The following P2RY14 variants were observed in gnomAD, a reference collection of about 807,000 sequenced individuals.
P2RY14 encodes purinergic receptor P2Y14.
Under a neutral mutation model 0.9 loss-of-function variants are expected in P2RY14, and 2 were observed. The observed-to-expected ratio is 2.16, with a 90% CI of 0.88 to 6.79. The LOEUF (loss-of-function observed/expected upper bound fraction) is 6.79, where lower values mean the gene tolerates loss of function less well. P2RY14 is among the 30% of genes most tolerant of loss of function. The pLI is 0.05. For missense variants in P2RY14, 378 were observed against 400.1 expected, an observed-to-expected ratio of 0.94 and a Z score of 0.47; for synonymous variants, 158 against 147.2, an observed-to-expected ratio of 1.07 and a Z score of -0.53.
chr3:151,230,377 A>G (rs1731412523), intron 1 of P2RY14, among the ~76,000 whole-genome samples: 1 of 152,220 alleles, frequency 6.6e-6, no homozygotes, highest in Non-Finnish European at 1.5e-5. Flanking sequence ...CAGTGTAAGA[A>G]AATAGTCTTA....
chr3:151,246,178 G>A (rs1303597454), intron 1 of P2RY14, among the ~76,000 whole-genome samples: 2 of 152,168 alleles, frequency 1.3e-5, no homozygotes, highest in African/African-American at 4.8e-5. Context: ...TAAATATCGT[G>A]AAAATGGCCA....
chr3:151,250,074 C>A (rs1736540426), intron 1 of P2RY14, among the ~76,000 whole-genome samples: 1 of 152,138 alleles, frequency 6.6e-6, no homozygotes, highest in Non-Finnish European at 1.5e-5. Flanking sequence ...CCAGTCGGTA[C>A]CTTTATCTCC....
rs536296268 is a variant in P2RY14, at chr3:151,265,884, A to C, written c.-133+12403T>G. 3.9e-5 allele frequency among the ~76,000 whole-genome samples: 6 copies of C among 152,326 alleles called. No individual in the cohort carries two copies. The East Asian group carries it at 1.2e-3, about 29-fold the overall frequency. On this transcript the variant is annotated intron_variant, in intron 1 of 2. Transcript: ENST00000309170. ...TGGTCCTTTTCAGGGAATCATGGAA[A>C]GGCTTGGAGCAGAGTCTTGCGGCCC...
intron 1 of P2RY14, among the ~76,000 whole-genome samples, chr3:151,274,612 C>T (rs929165148): frequency 6.6e-6 from 1 of 152,196 alleles, no homozygotes; most frequent in African/African-American, 2.4e-5. Context: ...TATCAGCTCC[C>T]AGCTGGATTA....
At chr3:151,273,309 C>T (rs537570056) in intron 1 of P2RY14, among the ~76,000 whole-genome samples, 16 of 147,182 alleles carry the variant, frequency 1.1e-4, no homozygotes, top group Non-Finnish European at 2.4e-4. Context: ...CAGCTCACTG[C>T]AGCCTCTGCC....
intron 1 of P2RY14, among the ~76,000 whole-genome samples, chr3:151,235,757 G>A (rs1291322223): frequency 1.3e-5 from 2 of 152,032 alleles, no homozygotes; most frequent in Non-Finnish European, 2.9e-5. Flanking sequence ...GGTCCTTGGA[G>A]CTGGCTTCTG....
chr3:151,267,420 A>T (rs1740048114), intron 1 of P2RY14, among the ~76,000 whole-genome samples: 1 of 152,194 alleles, frequency 6.6e-6, no homozygotes, highest in Non-Finnish European at 1.5e-5. Flanking sequence ...TATCAAGGTT[A>T]TATGTTACTT....
chr3:151,236,402 G>A (rs1244622345), intron 1 of P2RY14, among the ~76,000 whole-genome samples: 1 of 152,176 alleles, frequency 6.6e-6, no homozygotes, highest in Non-Finnish European at 1.5e-5. Context: ...GATTCAGGAA[G>A]CATTCTTGTT....
intron 2 of P2RY14, among the ~76,000 whole-genome samples, chr3:151,217,417 C>A (rs930159622): frequency 6.6e-6 from 1 of 152,226 alleles, no homozygotes; most frequent in Non-Finnish European, 1.5e-5. Flanking sequence ...TGGTGATATA[C>A]ACCATTCCCC....
chr3:151,243,042 G>A (rs977201797), intron 1 of P2RY14, among the ~76,000 whole-genome samples: 7 of 151,604 alleles, frequency 4.6e-5, no homozygotes, highest in African/African-American at 1.7e-4. Flanking sequence ...TGAATGAAAT[G>A]AAGCGAGAAG....
chr3:151,264,924 C>A (rs1405461441), intron 1 of P2RY14, among the ~76,000 whole-genome samples: 2 of 149,606 alleles, frequency 1.3e-5, no homozygotes, highest in African/African-American at 2.6e-5. Context: ...GCCACACTGG[C>A]CTTCTTGCTC....
chr3:151,269,442 A>ACACACACACAC (rs1559962872), intron 1 of P2RY14: 57 of 178,062 alleles, frequency 3.2e-4, no homozygotes, highest in African/African-American at 2.4e-3. Flanking sequence ...CACACACACA[A>ACACACACACAC]AATTCAGAGA....
At chr3:151,251,826 T>A (rs1207257143) in intron 1 of P2RY14, among the ~76,000 whole-genome samples, 2 of 152,240 alleles carry the variant, frequency 1.3e-5, no homozygotes, top group Non-Finnish European at 1.5e-5. Flanking sequence ...GCTATTTGTG[T>A]ACTTGCTTCT....
intron 2 of P2RY14, among the ~76,000 whole-genome samples, chr3:151,218,650 C>T (rs1160661677): frequency 2.0e-5 from 3 of 151,690 alleles, no homozygotes; most frequent in African/African-American, 4.8e-5. Context: ...GGGTGGATCA[C>T]GAGGTCAGGA....
At chr3:151,273,709 A>G (rs892372692) in intron 1 of P2RY14, among the ~76,000 whole-genome samples, 1 of 152,212 alleles carries the variant, frequency 6.6e-6, no homozygotes, top group Non-Finnish European at 1.5e-5. Context: ...GTCTGATTCT[A>G]GAATGCCCAC....
At chr3:151,258,236 G>T (rs1457589928) in intron 1 of P2RY14, among the ~76,000 whole-genome samples, 1 of 152,148 alleles carries the variant, frequency 6.6e-6, no homozygotes, top group African/African-American at 2.4e-5. Flanking sequence ...ACTAGCTCGG[G>T]CATAATCAAG....
At position 151,254,001 on chromosome 3, in the gene P2RY14, T is replaced by TG. The variant is rs1737331877; in HGVS notation, c.-133+24285_-133+24286insC. ...TCTTTTTGTTTTGATTTTTTCTTGT[T>TG]TTTTTTTTTTGTTAATTTAAACTTT... On this transcript the variant is annotated intron_variant, in intron 1 of 2. Transcript: ENST00000309170. Among the ~76,000 whole-genome samples, 4 of 150,040 alleles carry TG rather than the reference T, an allele frequency of 2.7e-5. No homozygotes were observed. The South Asian group carries it at 8.4e-4, about 32-fold the overall frequency.
rs1727467542 is a variant in P2RY14, at chr3:151,213,194, G to C, written c.*106C>G. On this transcript the variant is annotated 3_prime_UTR_variant, in exon 3 of 3. Coordinates refer to ENST00000309170, the MANE Select transcript of P2RY14 (RefSeq NM_014879.4). ...TTATTGAACTAAATTGGATGGCAGTGCTAGAGATGATATTTATGATGAGGG... is the reference window on the plus strand; with the variant it reads ...TTATTGAACTAAATTGGATGGCAGTCCTAGAGATGATATTTATGATGAGGG... 5.8e-6 allele frequency: 5 copies of C among 863,466 alleles called. No individual in the cohort carries two copies. The East Asian group carries it at 1.2e-4, about 21-fold the overall frequency. The allele number at this position is 863,466 out of a possible 1,614,324, so 53.5% of individuals were successfully genotyped here. A position where few individuals can be genotyped will look rare whatever the true frequency, so the allele number is the denominator to read the frequency against.
At chr3:151,215,049 A>G (rs1296216234) in intron 2 of P2RY14, among the ~76,000 whole-genome samples, 1 of 152,202 alleles carries the variant, frequency 6.6e-6, no homozygotes, top group Admixed American at 6.5e-5. Context: ...TCTAACAAAC[A>G]TATACATTCA....
Sources: gnomAD v4.1 joint callset for allele counts (sites outside exome capture counted in the v4.1 genomes callset) on GRCh38, gnomAD v4.1.1 for gene constraint, MANE v1.5 for transcripts, NCBI Gene and HGNC (gene_info 2026-07-23, HGNC 2026-07-21) for gene names.